The following TEC variants were observed in gnomAD, a reference collection of about 807,000 sequenced individuals.
TEC encodes tec protein tyrosine kinase, also known as tyrosine-protein kinase Tec.
Under a neutral mutation model 93.0 loss-of-function variants are expected in TEC, and 72 were observed. The ratio of observed to expected loss-of-function variants is 0.77; its 90% confidence interval spans 0.64 to 0.94. TEC has a LOEUF of 0.94. Ranked by LOEUF, TEC falls within the 40% of genes least tolerant of loss-of-function variation. The pLI, the probability that TEC is intolerant of heterozygous loss-of-function variation, is 0.00. For synonymous variants in TEC, 249 were observed against 247.7 expected, an observed-to-expected ratio of 1.01 and a Z score of -0.05; for missense variants, 630 against 757.9, an observed-to-expected ratio of 0.83 and a Z score of 1.98.
chr4:48,179,337 A>AGT (rs1721461840), intron 2 of TEC, among the ~76,000 whole-genome samples: 4 of 81,940 alleles, frequency 4.9e-5, no homozygotes, highest in Non-Finnish European at 8.6e-5. Context: ...TGACGTGGGT[A>AGT]GTATATATAT....
At chr4:48,156,200 A>G (rs1720392346) in intron 9 of TEC, among the ~76,000 whole-genome samples, 1 of 152,198 alleles carries the variant, frequency 6.6e-6, no homozygotes, top group South Asian at 2.1e-4. Context: ...AGCCTGTTAC[A>G]TGGCAAGAGT....
intron 1 of TEC, among the ~76,000 whole-genome samples, chr4:48,260,119 T>C (rs1354051640): frequency 1.3e-5 from 2 of 152,218 alleles, no homozygotes; most frequent in African/African-American, 4.8e-5. Flanking sequence ...GTCAGGTTCT[T>C]CTAGTTTTAT....
rs751311668 is a variant in TEC at position 48,145,582 on chromosome 4, G to A, written c.1082-3C>T. The stretch of plus-strand genomic sequence containing the variant: ...TGAAGGGTTAATCTCCCATTTCTCT[G>A]CAGGACAGAAAGTGAAAGTGTTCAT... On this transcript the variant is annotated splice_region_variant and splice_polypyrimidine_tract_variant and intron_variant, in intron 12 of 17. Transcript: ENST00000381501. 2 of 1,613,754 alleles carry A rather than the reference G, an allele frequency of 1.2e-6. No individual in the cohort carries two copies. Among genetic ancestry groups the A allele is most frequent in the Non-Finnish European group, 1.7e-6 (2 of 1,179,840 alleles).
intron 17 of TEC, among the ~76,000 whole-genome samples, chr4:48,137,801 G>A (rs764899892): frequency 6.6e-6 from 1 of 152,048 alleles, no homozygotes; most frequent in African/African-American, 2.4e-5. Context: ...GCCACTTCCC[G>A]ACCCTCTTGT....
At chr4:48,231,539 G>A (rs1480982915) in intron 1 of TEC, among the ~76,000 whole-genome samples, 6 of 151,988 alleles carry the variant, frequency 3.9e-5, no homozygotes, top group South Asian at 2.1e-4. Context: ...GGCGGATCAC[G>A]AGGTCAGGAG....
chr4:48,258,145 GTT>G (rs56341256), intron 1 of TEC, among the ~76,000 whole-genome samples: 1 of 139,928 alleles, frequency 7.1e-6, no homozygotes, highest in Non-Finnish European at 1.5e-5. Context: ...TGTTTTTTTG[GTT>G]TTTTTTTTTT....
chr4:48,159,794 T>G (rs1432823368), intron 8 of TEC, among the ~76,000 whole-genome samples: 1 of 152,174 alleles, frequency 6.6e-6, no homozygotes, highest in African/African-American at 2.4e-5. Context: ...TCTGCCCACC[T>G]CAGCACCCAA....
chr4:48,266,889 T>C (rs1411124502), intron 1 of TEC, among the ~76,000 whole-genome samples: 1 of 152,082 alleles, frequency 6.6e-6, no homozygotes, highest in African/African-American at 2.4e-5. Context: ...CTGTGAATTT[T>C]GATCTAACCA....
intron 1 of TEC, among the ~76,000 whole-genome samples, chr4:48,242,555 A>G (rs190811587): frequency 1.3e-5 from 2 of 152,360 alleles, no homozygotes; most frequent in East Asian, 3.9e-4. Flanking sequence ...AGCCACACAG[A>G]TAAGGAGGGA....
intron 2 of TEC, among the ~76,000 whole-genome samples, chr4:48,184,174 C>A (rs1214609525): frequency 6.6e-6 from 1 of 152,196 alleles, no homozygotes; most frequent in Non-Finnish European, 1.5e-5. Flanking sequence ...ATTACTGTCA[C>A]CCCCATTTTG....
chr4:48,182,272 G>GAGCA (rs1721621143), intron 2 of TEC, among the ~76,000 whole-genome samples: 3 of 147,906 alleles, frequency 2.0e-5, no homozygotes, highest in Middle Eastern at 6.9e-3. Flanking sequence ...GTGACAGAGC[G>GAGCA]AGACTCCATC....
intron 2 of TEC, among the ~76,000 whole-genome samples, chr4:48,220,971 CCTGTCTGA>C (rs984551467): frequency 6.6e-5 from 10 of 152,230 alleles, no homozygotes; most frequent in African/African-American, 2.4e-4. Context: ...TACCACAACT[CCTGTCTGA>C]CTTGGCTACA....
chr4:48,156,822 C>A, intron 8 of TEC, 88 bp from the exon 9 acceptor site: 1 of 1,011,588 alleles, frequency 9.9e-7, no homozygotes. Context: ...TTCTGCTCAT[C>A]AATAATAAAT....
At position 48,176,104 on chromosome 4, in the gene TEC, C is replaced by T; in HGVS notation, c.221G>A (p.Cys74Tyr). Residue 74 changes from cysteine to tyrosine, a missense_variant, in exon 3 of 18, where the codon TGT becomes TAT. Cys to Tyr is a radical substitution (Grantham distance 194, BLOSUM62 -2). Transcript: ENST00000381501. Reference protein sequence around the residue: ...IVKNDDGVIPCQNKYPFQVVH... With the variant: ...IVKNDDGVIPYQNKYPFQVVH... ...CACCTGAAATGGATACTTATTTTGA[C>T]AGGGAATGACACCATCATCATTCTT... 2 of 1,613,668 alleles carry T rather than the reference C, an allele frequency of 1.2e-6. No individual in the cohort carries two copies. Among genetic ancestry groups the T allele is most frequent in the Non-Finnish European group, 1.7e-6 (2 of 1,179,668 alleles).
At chr4:48,250,427 T>C (rs1366350142) in intron 1 of TEC, among the ~76,000 whole-genome samples, 1 of 152,222 alleles carries the variant, frequency 6.6e-6, no homozygotes, top group African/African-American at 2.4e-5. Flanking sequence ...TTTTCACACC[T>C]GTCTGAATTC....
In TEC at chr4:48,145,395, G is replaced by T. The variant is rs1719862849; in HGVS notation, c.1253+13C>A. 6.2e-7 allele frequency: 1 copy of T among 1,613,834 alleles called. No homozygotes were observed. ...ATACAAAAAGATGAGCCAGAAAGATGATAGCAACTTACATCATCACTTTAG... is the reference window on the plus strand; with the variant it reads ...ATACAAAAAGATGAGCCAGAAAGATTATAGCAACTTACATCATCACTTTAG... On this transcript the variant is annotated intron_variant, in intron 13 of 17. Transcript: ENST00000381501.
intron 2 of TEC, among the ~76,000 whole-genome samples, chr4:48,185,455 A>G (rs962608089): frequency 1.3e-5 from 2 of 152,216 alleles, no homozygotes; most frequent in African/African-American, 4.8e-5. Context: ...GGCACTTCCA[A>G]TTTGATGATT....
intron 2 of TEC, among the ~76,000 whole-genome samples, chr4:48,227,777 AGGCAGTATGT>A (rs554827242): frequency 4.3e-4 from 65 of 152,312 alleles, no homozygotes; most frequent in African/African-American, 1.6e-3. Context: ...CTAGCAGAGA[AGGCAGTATGT>A]GGCAGTACTA....
At chr4:48,204,492 A>G (rs1171714225) in intron 2 of TEC, among the ~76,000 whole-genome samples, 1 of 152,062 alleles carries the variant, frequency 6.6e-6, no homozygotes, top group Non-Finnish European at 1.5e-5. Flanking sequence ...CCTTTCGCTG[A>G]TTTTGCTTTG....
Sources: allele counts gnomAD v4.1 joint callset (sites outside exome capture counted in the v4.1 genomes callset), GRCh38; gene constraint gnomAD v4.1.1; transcripts MANE v1.5; gene names NCBI Gene and HGNC (gene_info 2026-07-23, HGNC 2026-07-21).